KCP: variants seen among roughly 807,000 people sequenced by gnomAD.
The protein encoded by KCP is kielin/chordin-like protein.
Under a neutral mutation model 212.7 loss-of-function variants are expected in KCP, and 194 were observed. The observed-to-expected ratio is 0.91, with a 90% CI of 0.81 to 1.03. KCP has a LOEUF of 1.03. Among genes scored for constraint, KCP ranks in the 50% least tolerant of loss-of-function variants. The pLI is 0.00. For missense variants in KCP, 2,080 were observed against 2,162.5 expected (o/e 0.96, Z 0.76); for synonymous variants, 833 against 865.3 (o/e 0.96, Z 0.65).
rs1489156481 is a variant in KCP, at chr7:128,877,295, C to T, written c.4635G>A (p.Leu1545=). ...ACTCATCAAACACGAAGCCACGCTCCAGGGGGCAGCCTACCACTGCAGGGG... is the reference window on the plus strand; with the variant it reads ...ACTCATCAAACACGAAGCCACGCTCTAGGGGGCAGCCTACCACTGCAGGGG... ...GPTLCVVGCP[L]ERGFVFDECG... Residue 1545 remains leucine, a synonymous_variant, in exon 40 of 40, where the codon CTG becomes CTA. Coordinates refer to ENST00000610776, the MANE Select transcript of KCP (RefSeq NM_001366122.1). The T allele has an allele frequency of 6.6e-7, 1 of 1,516,294 alleles. No individual in the cohort carries two copies. Among genetic ancestry groups the T allele is most frequent in the Non-Finnish European group, 8.8e-7 (1 of 1,135,590 alleles). 93.9% of individuals were successfully genotyped at this position (1,516,294 alleles called of 1,614,324 possible). A position where few individuals can be genotyped will look rare whatever the true frequency, so the allele number is the denominator to read the frequency against.
At chr7:128,883,176 T>G (rs532216332) in intron 29 of KCP, among the ~76,000 whole-genome samples, 2 of 151,340 alleles carry the variant, frequency 1.3e-5, no homozygotes, top group South Asian at 2.1e-4. Flanking sequence ...AATCTCGCTC[T>G]GTTGCCAGGT....
chr7:128,898,465 C>T (rs1037272230), intron 8 of KCP, among the ~76,000 whole-genome samples: 3 of 152,224 alleles, frequency 2.0e-5, no homozygotes, highest in African/African-American at 7.2e-5. Context: ...AGACCTTATT[C>T]TGCACTTCTG....
In KCP at chr7:128,908,549, C is replaced by CTCCCTGGCTG. The variant is rs1795276443; in HGVS notation, c.95_96insCAGCCAGGGA (p.Glu32AspfsTer47). The CTCCCTGGCTG allele has an allele frequency of 3.2e-6, 5 of 1,551,212 alleles. No individual in the cohort carries two copies. In the East Asian group the frequency reaches 1.2e-4, roughly 38 times the overall value. On this transcript the variant is annotated frameshift_variant, in exon 2 of 40. Coordinates refer to ENST00000610776, the MANE Select transcript of KCP (RefSeq NM_001366122.1). LOFTEE classifies it high-confidence loss of function. ...GGGCAGTTGTCTGCTGCCCAGGGGG[C>CTCCCTGGCTG]TCCCTGGGGACAGCCCCACCTGAAG... is the stretch of plus-strand genomic sequence containing the variant.
chr7:128,887,441 ACACAGCCACACC>A, intron 22 of KCP, 141 bp from the exon 23 acceptor site: 1 of 687,030 alleles, frequency 1.5e-6, no homozygotes, highest in Non-Finnish European at 2.6e-6. Flanking sequence ...ATACCCATAT[ACACAGCCACACC>A]CACAACCACA....
In KCP at chr7:128,886,980, G is replaced by GC. The variant is rs746151441; in HGVS notation, c.2599-15dup. The GC allele has an allele frequency of 1.1e-5, 15 of 1,386,012 alleles. No individual in the cohort carries two copies. The African/African-American group carries it at 1.9e-4, about 17-fold the overall frequency. 85.9% of individuals were successfully genotyped at this position (1,386,012 alleles called of 1,614,324 possible). The stretch of plus-strand genomic sequence containing the variant: ...CATGGAACCTTCCTGGGGGAGAGAG[G>GC]CCCATCACACCCTCAACTGGACTGC... On this transcript the variant is annotated splice_polypyrimidine_tract_variant and intron_variant, in intron 23 of 39. Transcript: ENST00000610776.
Position 128,888,861 on chromosome 7 carries a change from AC to A in KCP, c.2512+1del. The A allele has an allele frequency of 1.3e-6, 2 of 1,548,562 alleles. No individual in the cohort carries two copies. The highest frequency in any genetic ancestry group is 1.7e-6 in the Non-Finnish European group (2 of 1,146,510). On this transcript the variant is annotated splice_donor_variant, in intron 22 of 39. Coordinates refer to ENST00000610776, the MANE Select transcript of KCP (RefSeq NM_001366122.1). LOFTEE classifies it high-confidence loss of function. Reference sequence around the variant, plus strand: ...GGAATGGAAGGGCAGGTGTGGCTCTACCCTGGCAGGTCGGGCAGCAGTGCCC... The same window carrying A: ...GGAATGGAAGGGCAGGTGTGGCTCTACCTGGCAGGTCGGGCAGCAGTGCCC...
Position 128,891,262 on chromosome 7 carries a change from C to G in KCP, c.1895G>C (p.Cys632Ser). 6.5e-7 allele frequency: 1 copy of G among 1,547,126 alleles called. No individual in the cohort carries two copies. The highest frequency in any genetic ancestry group is 8.7e-7 in the Non-Finnish European group (1 of 1,146,692). Residue 632 changes from cysteine to serine, a missense_variant, in exon 19 of 40, where the codon TGC becomes TCC. Transcript: ENST00000610776. The stretch of plus-strand genomic sequence containing the variant: ...CAGCGGCACGCAGCGGCGGGCCAGG[C>G]ACTGCACGTTGCCGCTCTACGGACC... ...LCRCLSGNVQ[C>S]LARRCVPLPC...
At chr7:128,901,980 T>G (rs1275080329) in intron 8 of KCP, among the ~76,000 whole-genome samples, 1 of 152,208 alleles carries the variant, frequency 6.6e-6, no homozygotes, top group African/African-American at 2.4e-5. Flanking sequence ...ACCCCACCCA[T>G]GAAGATGTTC....
chr7:128,906,900 T>C (rs1407150490), intron 4 of KCP, among the ~76,000 whole-genome samples: 3 of 152,138 alleles, frequency 2.0e-5, no homozygotes, highest in Non-Finnish European at 2.9e-5. Flanking sequence ...CAGGTCTGAA[T>C]TGAGTGGCTT....
At position 128,908,461 on chromosome 7, in the gene KCP, G is replaced by T. The variant is rs769324120; in HGVS notation, c.184C>A (p.Arg62=). 6 of 1,550,682 alleles carry T rather than the reference G, an allele frequency of 3.9e-6. No homozygotes were observed. In the African/African-American group the frequency reaches 6.9e-5, roughly 18 times the overall value. The part of the protein sequence containing the change: ...QWHPLREWLG[R]LEAAVMELRE... ...AGCTCCATCACTGCAGCCTCCAGTCGCCCCAGCCACTCTCGCAGGGGGTGC... is the reference window on the plus strand; with the variant it reads ...AGCTCCATCACTGCAGCCTCCAGTCTCCCCAGCCACTCTCGCAGGGGGTGC... The change falls in exon 2 of 40, where the codon CGA becomes AGA. Residue 62 remains arginine, a synonymous_variant. Transcript: ENST00000610776.
chr7:128,908,251 G>GGAAGAAAGAAAGAAAGA (rs1554420450), intron 2 of KCP, among the ~76,000 whole-genome samples, 175 bp downstream of exon 2: 1 of 101,212 alleles, frequency 9.9e-6, no homozygotes, highest in Non-Finnish European at 2.0e-5. Context: ...AAGAAAGAAA[G>GGAAGAAAGAAAGAAAGA]AAGAAAGAAA....
chr7:128,910,528 C>T, intron 1 of KCP, 73 bp downstream of exon 1: 1 of 1,357,432 alleles, frequency 7.4e-7, no homozygotes, highest in East Asian at 2.8e-5. Context: ...CCCTCTCGGC[C>T]CCCTCAGGCC....
At chr7:128,907,224 T>A in intron 3 of KCP, 40 bp downstream of exon 3, 1 of 1,539,868 alleles carries the variant, frequency 6.5e-7, no homozygotes, top group Non-Finnish European at 8.8e-7. Flanking sequence ...CATCTGCAGG[T>A]CTTTAGGTGG....
chr7:128,885,004 G>A, intron 27 of KCP, 93 bp downstream of exon 27: 1 of 1,519,562 alleles, frequency 6.6e-7, no homozygotes, highest in Non-Finnish European at 8.9e-7. Context: ...TTCTCCAACT[G>A]CCTGTCTCTG....
Position 128,883,792 on chromosome 7 carries a change from C to G in KCP, c.3244+210G>C, listed in dbSNP as rs187452321. 2.6e-3 allele frequency among the ~76,000 whole-genome samples: 390 copies of G among 152,354 alleles called. 1 individual carries two copies. Among genetic ancestry groups the G allele is most frequent in the Non-Finnish European group, 4.7e-3 (320 of 68,034 alleles). On this transcript the variant is annotated intron_variant, in intron 29 of 39. Transcript: ENST00000610776. Reference sequence around the variant, plus strand: ...GCCACCTGCTGGCCAAGATGCTCCACAAACTGCACCCAGCTGCGGAGAGGC... The same window carrying G: ...GCCACCTGCTGGCCAAGATGCTCCAGAAACTGCACCCAGCTGCGGAGAGGC...
At chr7:128,882,684 C>T (rs553558496) in intron 29 of KCP, among the ~76,000 whole-genome samples, 3 of 152,230 alleles carry the variant, frequency 2.0e-5, no homozygotes, top group South Asian at 2.1e-4. Flanking sequence ...GCATTATGAA[C>T]GTATTTAATA....
At chr7:128,910,206 C>T (rs1795357750) in intron 1 of KCP, among the ~76,000 whole-genome samples, 1 of 152,238 alleles carries the variant, frequency 6.6e-6, no homozygotes, top group Non-Finnish European at 1.5e-5. Flanking sequence ...TCCCCTGGCC[C>T]CGTGCCGGCA....
chr7:128,884,259 A>G, intron 28 of KCP, 137 bp from the exon 29 acceptor site: 3 of 1,075,662 alleles, frequency 2.8e-6, no homozygotes, highest in Non-Finnish European at 3.9e-6. Context: ...TCAAGGCTGA[A>G]GAGAGACTCA....
rs1220827993 is a variant in KCP, at chr7:128,902,787, C to T, written c.821G>A (p.Cys274Tyr). 6.4e-7 allele frequency: 1 copy of T among 1,551,540 alleles called. No homozygotes were observed. Among genetic ancestry groups the T allele is most frequent in the African/African-American group, 1.4e-5 (1 of 73,168 alleles). Residue 274 changes from cysteine to tyrosine, a missense_variant, in exon 8 of 40, where the codon TGC (cysteine) becomes TAC (tyrosine). Cys to Tyr is a radical substitution (Grantham distance 194, BLOSUM62 -2). Transcript: ENST00000610776. ...WTTPGDPCRI[C>Y]RCLEGHIQCR... ...AGCCTCAGGACTCACCAGGCACCGG[C>T]AGATTCGGCAGGGGTCCCCAGGTGT... is the stretch of plus-strand genomic sequence containing the variant.
Sources: gnomAD v4.1 joint callset for allele counts (sites outside exome capture counted in the v4.1 genomes callset) on GRCh38, gnomAD v4.1.1 for gene constraint, MANE v1.5 for transcripts, NCBI Gene and HGNC (gene_info 2026-07-23, HGNC 2026-07-21) for gene names.